ZNF407: variants seen among roughly 807,000 people sequenced by gnomAD.
ZNF407 encodes zinc finger protein 407.
Under a neutral mutation model 131.2 loss-of-function variants are expected in ZNF407, and 17 were observed. The observed-to-expected ratio is 0.13, with a 90% CI of 0.09 to 0.19. The LOEUF (loss-of-function observed/expected upper bound fraction) is 0.19. ZNF407 is among the 10% of genes least tolerant of loss of function. The pLI, the probability that ZNF407 is intolerant of heterozygous loss-of-function variation, is 1.00. For synonymous variants in ZNF407, 1,156 were observed against 1,062.0 expected, an observed-to-expected ratio of 1.09 and a Z score of -1.72; for missense variants, 2,681 against 2,830.6, an observed-to-expected ratio of 0.95 and a Z score of 1.20.
chr18:74,824,932 C>T (rs1291538556), intron 4 of ZNF407, among the ~76,000 whole-genome samples: 1 of 152,164 alleles, frequency 6.6e-6, no homozygotes, highest in African/African-American at 2.4e-5. Context: ...AGGCCAGTAT[C>T]CCTGATGAAC....
At chr18:74,891,716 G>A (rs1971387720) in intron 7 of ZNF407, among the ~76,000 whole-genome samples, 1 of 152,106 alleles carries the variant, frequency 6.6e-6, no homozygotes, top group Non-Finnish European at 1.5e-5. Flanking sequence ...ATTATTAAAT[G>A]TTCTTTTTCC....
At chr18:75,041,313 A>G (rs1046814109) in intron 8 of ZNF407, among the ~76,000 whole-genome samples, 2 of 152,182 alleles carry the variant, frequency 1.3e-5, no homozygotes, top group African/African-American at 4.8e-5. Context: ...ATTGCCAGTT[A>G]TTATTATGAA....
At chr18:74,841,407 C>A (rs753873997) in intron 4 of ZNF407, among the ~76,000 whole-genome samples, 20 of 152,196 alleles carry the variant, frequency 1.3e-4, no homozygotes, top group Non-Finnish European at 2.6e-4. Context: ...CACCGCTTCC[C>A]TTCTCAGTGA....
intron 3 of ZNF407, among the ~76,000 whole-genome samples, chr18:74,765,758 C>T (rs1276737096): frequency 6.6e-6 from 1 of 152,200 alleles, no homozygotes; most frequent in Non-Finnish European, 1.5e-5. Context: ...AGCTGCCTGG[C>T]CTCCCTGTGT....
intron 1 of ZNF407, among the ~76,000 whole-genome samples, chr18:74,617,070 T>TCCACACACATCCATATCCACGCA (rs1983336637): frequency 2.6e-4 from 3 of 11,428 alleles, no homozygotes; most frequent in Non-Finnish European, 5.1e-4. Flanking sequence ...CACATCCATA[T>TCCACACACATCCATATCCACGCA]CCACACACAT....
rs562998218 is a variant in ZNF407 at position 75,021,381 on chromosome 18, C to G, written c.5429-41769C>G. Among the ~76,000 whole-genome samples the G allele has an allele frequency of 8.5e-5, 13 of 152,148 alleles. No homozygotes were observed. The East Asian group carries it at 2.5e-3, about 29-fold the overall frequency. On this transcript the variant is annotated intron_variant, in intron 8 of 8. Transcript: ENST00000299687. Reference sequence around the variant, plus strand: ...ATTCCTTGGGCTCAAGTGATCCTCCCTCCTCAGCCTCCTGAGTAGCTGGTA... The same window carrying G: ...ATTCCTTGGGCTCAAGTGATCCTCCGTCCTCAGCCTCCTGAGTAGCTGGTA...
intron 8 of ZNF407, among the ~76,000 whole-genome samples, chr18:74,943,729 G>A (rs1002977294): frequency 5.9e-5 from 9 of 152,154 alleles, no homozygotes; most frequent in Non-Finnish European, 1.0e-4. Context: ...GTCGGTTGTC[G>A]TAGTTCCAAA....
At chr18:74,810,410 AG>A (rs1970177669) in intron 4 of ZNF407, among the ~76,000 whole-genome samples, 1 of 151,646 alleles carries the variant, frequency 6.6e-6, no homozygotes, top group Non-Finnish European at 1.5e-5. Flanking sequence ...ATGATCATGT[AG>A]GATTCTGCTG....
chr18:74,724,547 T>TTC (rs145328414), intron 3 of ZNF407, among the ~76,000 whole-genome samples: 159 of 150,672 alleles, frequency 1.1e-3, no homozygotes, highest in East Asian at 1.9e-3. Flanking sequence ...TTTTTAAGAT[T>TTC]TCTCTCTCTC....
chr18:74,629,883 G>A (rs1053248742), intron 1 of ZNF407, among the ~76,000 whole-genome samples: 1 of 151,828 alleles, frequency 6.6e-6, no homozygotes, highest in African/African-American at 2.4e-5. Context: ...TGATTTCAAG[G>A]CATTTTATTC....
At chr18:74,951,804 T>G (rs1257930726) in intron 8 of ZNF407, among the ~76,000 whole-genome samples, 3 of 152,052 alleles carry the variant, frequency 2.0e-5, no homozygotes, top group African/African-American at 7.2e-5. Flanking sequence ...TAAAATAAGA[T>G]AATTTCTAAG....
intron 8 of ZNF407, among the ~76,000 whole-genome samples, chr18:75,053,606 G>C (rs1046432910): frequency 6.6e-6 from 1 of 152,238 alleles, no homozygotes; most frequent in African/African-American, 2.4e-5. Flanking sequence ...CCAAGCCACA[G>C]ATACTCTGCA....
At chr18:74,637,647 C>T (rs1984522100) in intron 2 of ZNF407, among the ~76,000 whole-genome samples, 1 of 152,054 alleles carries the variant, frequency 6.6e-6, no homozygotes, top group Non-Finnish European at 1.5e-5. Context: ...AGTTGGTCTC[C>T]AGGTTTTAAT....
At chr18:74,855,580 T>C (rs1474896086) in intron 4 of ZNF407, among the ~76,000 whole-genome samples, 3 of 152,194 alleles carry the variant, frequency 2.0e-5, no homozygotes, top group African/African-American at 7.2e-5. Context: ...AGAATAACAA[T>C]ATGAATAAAA....
At chr18:74,682,426 G>C (rs111473230) in intron 3 of ZNF407, among the ~76,000 whole-genome samples, 3 of 152,120 alleles carry the variant, frequency 2.0e-5, no homozygotes, top group Admixed American at 2.0e-4. Flanking sequence ...CTTCAGCTTC[G>C]TAGTAGTGCC....
chr18:74,643,939 C>T (rs944769627), intron 3 of ZNF407, among the ~76,000 whole-genome samples: 1 of 151,678 alleles, frequency 6.6e-6, no homozygotes, highest in Non-Finnish European at 1.5e-5. Flanking sequence ...TCTTAACTAC[C>T]GTATATCTTG....
intron 3 of ZNF407, among the ~76,000 whole-genome samples, chr18:74,767,891 T>C (rs991643196): frequency 1.3e-5 from 2 of 150,146 alleles, no homozygotes; most frequent in East Asian, 2.0e-4. Flanking sequence ...TGGTCTCGAT[T>C]TCCTGACCTC....
In ZNF407 at chr18:74,754,288, C is replaced by G. The variant is rs141296861; in HGVS notation, c.4803-27140C>G. On this transcript the variant is annotated intron_variant, in intron 3 of 8. Transcript: ENST00000299687. ...GGTCTATCAATTCTGTTGATCTTTT[C>G]AAAAAACCAGTTCCTGGATTCATTG... is the stretch of plus-strand genomic sequence containing the variant. 5.0e-3 allele frequency among the ~76,000 whole-genome samples: 754 copies of G among 152,110 alleles called. 5 individuals are homozygous for G. Among genetic ancestry groups the G allele is most frequent in the African/African-American group, 0.017 (711 of 41,502 alleles).
In ZNF407 at chr18:74,786,954, C is replaced by T. The variant is rs180937609; in HGVS notation, c.4877+5452C>T. On this transcript the variant is annotated intron_variant, in intron 4 of 8. Transcript: ENST00000299687. ...CTGAATAATTGGGATTACATGCACCCGCCACCACACCCGGCTCACTTTTTT... is the reference window on the plus strand; with the variant it reads ...CTGAATAATTGGGATTACATGCACCTGCCACCACACCCGGCTCACTTTTTT... Among the ~76,000 whole-genome samples the T allele has an allele frequency of 3.8e-4, 57 of 151,498 alleles. 1 individual carries two copies. The highest frequency in any genetic ancestry group is 7.8e-4 in the Non-Finnish European group (53 of 67,842).
Sources: gnomAD v4.1 joint callset for allele counts (sites outside exome capture counted in the v4.1 genomes callset) on GRCh38, gnomAD v4.1.1 for gene constraint, MANE v1.5 for transcripts, NCBI Gene and HGNC (gene_info 2026-07-23, HGNC 2026-07-21) for gene names.